Variants in RBM20 observed in about 807,000 individuals in gnomAD.
RBM20 encodes RNA-binding protein 20.
A neutral mutation model predicts 110.1 loss-of-function variants in RBM20; 51 were observed. That is an observed-to-expected ratio of 0.46 (90% confidence interval 0.37 to 0.59). RBM20 has a LOEUF of 0.59. Among genes scored for constraint, RBM20 ranks in the 20% least tolerant of loss-of-function variants. The pLI is 0.00. For synonymous variants in RBM20, 589 were observed against 618.2 expected, an observed-to-expected ratio of 0.95 and a Z score of 0.70; for missense variants, 1,512 against 1,574.9, an observed-to-expected ratio of 0.96 and a Z score of 0.68.
rs544269734 is a variant in RBM20, at chr10:110,780,593, G to C, written c.192-208G>C. Among the ~76,000 whole-genome samples the C allele has an allele frequency of 8.1e-5, 12 of 147,558 alleles. 1 individual carries two copies. The highest frequency in any genetic ancestry group is 2.5e-4 in the African/African-American group (10 of 39,994). ...TTTCTACTTACTAGTGAGATTGAAC[G>C]TTCTGTCATATAATTTTTCCATTGG... On this transcript the variant is annotated intron_variant, in intron 1 of 13. Transcript: ENST00000369519.
intron 1 of RBM20, among the ~76,000 whole-genome samples, chr10:110,752,258 GC>G (rs1257301433): frequency 5.3e-5 from 8 of 152,140 alleles, no homozygotes; most frequent in African/African-American, 1.9e-4. Flanking sequence ...CTATAGTTCT[GC>G]CTTTTCCAGA....
intron 1 of RBM20, among the ~76,000 whole-genome samples, chr10:110,680,294 G>A (rs576924088): frequency 6.6e-6 from 1 of 152,284 alleles, no homozygotes; most frequent in South Asian, 2.1e-4. Context: ...TTCAGAGTGG[G>A]GAGGGGTGGC....
chr10:110,723,359 C>T (rs1373039428), intron 1 of RBM20, among the ~76,000 whole-genome samples: 1 of 152,204 alleles, frequency 6.6e-6, no homozygotes, highest in Non-Finnish European at 1.5e-5. Context: ...TTTCCCCTTC[C>T]CTCATCCTCT....
intron 1 of RBM20, among the ~76,000 whole-genome samples, chr10:110,675,964 CTG>C (rs1862332485): frequency 6.6e-6 from 1 of 152,170 alleles, no homozygotes; most frequent in African/African-American, 2.4e-5. Flanking sequence ...AATGCAGTCT[CTG>C]AGAATGAGAA....
At position 110,821,676 on chromosome 10, in the gene RBM20, G is replaced by A. The variant is rs1844913148; in HGVS notation, c.3057G>A (p.Leu1019=). 4 of 1,551,768 alleles carry A rather than the reference G, an allele frequency of 2.6e-6. No individual in the cohort carries two copies. The highest frequency in any genetic ancestry group is 3.5e-6 in the Non-Finnish European group (4 of 1,147,002). Residue 1019 remains leucine, a synonymous_variant, in exon 11 of 14, where the codon CTG becomes CTA. Transcript: ENST00000369519. ...KPAESETGLS[L]EDSDCYEKEA... The stretch of plus-strand genomic sequence containing the variant: ...CTGAAAGTGAGACAGGCCTCTCCCT[G>A]GAGGATTCAGATTGCTACGAGAAGG...
intron 6 of RBM20, among the ~76,000 whole-genome samples, chr10:110,799,395 A>T (rs188459096): frequency 2.6e-5 from 4 of 152,280 alleles, no homozygotes; most frequent in Non-Finnish European, 4.4e-5. Context: ...TGATGTTTAT[A>T]AAAAGGTCTC....
In RBM20 at chr10:110,821,935, G is replaced by A; in HGVS notation, c.3316G>A (p.Glu1106Lys). The part of the protein sequence containing the change: ...NQACQEVLTP[E>K]NSRYVEMKSL... The stretch of plus-strand genomic sequence containing the variant: ...AGCTTGCCAAGAAGTGTTGACCCCG[G>A]GTAACTATCTCCCCTTTCCTCACGG... The change falls in exon 11 of 14, where the codon GAA becomes AAA. Residue 1106 changes from glutamate to lysine, a missense_variant and splice_region_variant. Glu to Lys is a moderately conservative substitution (Grantham distance 56, BLOSUM62 1). Transcript: ENST00000369519. 3 of 1,551,632 alleles carry A rather than the reference G, an allele frequency of 1.9e-6. No individual in the cohort carries two copies. The highest frequency in any genetic ancestry group is 1.7e-6 in the Non-Finnish European group (2 of 1,146,956).
At chr10:110,819,007 G>A (rs1020869857) in intron 9 of RBM20, among the ~76,000 whole-genome samples, 1 of 152,228 alleles carries the variant, frequency 6.6e-6, no homozygotes, top group African/African-American at 2.4e-5. Flanking sequence ...GGTGAAACCA[G>A]TCAGCCCTGA....
chr10:110,735,969 C>T (rs565920347), intron 1 of RBM20, among the ~76,000 whole-genome samples: 1 of 152,286 alleles, frequency 6.6e-6, no homozygotes, highest in South Asian at 2.1e-4. Flanking sequence ...ATCTCCCACC[C>T]ATCTCCCTCT....
intron 9 of RBM20, among the ~76,000 whole-genome samples, chr10:110,817,532 G>A (rs565898508): frequency 1.2e-4 from 18 of 152,284 alleles, no homozygotes; most frequent in South Asian, 4.1e-4. Context: ...TGGAGCACCC[G>A]GCATTGGGAC....
At chr10:110,740,310 T>C (rs1429370794) in intron 1 of RBM20, among the ~76,000 whole-genome samples, 1 of 152,154 alleles carries the variant, frequency 6.6e-6, no homozygotes, top group Non-Finnish European at 1.5e-5. Flanking sequence ...TCAAAAGGAC[T>C]GTGTCGGAGA....
chr10:110,787,227 A>G (rs1844429703), intron 5 of RBM20, among the ~76,000 whole-genome samples: 1 of 152,222 alleles, frequency 6.6e-6, no homozygotes, highest in Admixed American at 6.5e-5. Flanking sequence ...CTCGAATCTC[A>G]GAACATCCCA....
At chr10:110,758,632 C>G (rs916635692) in intron 1 of RBM20, among the ~76,000 whole-genome samples, 6 of 152,176 alleles carry the variant, frequency 3.9e-5, no homozygotes, top group African/African-American at 1.4e-4. Flanking sequence ...CAGCAGAACC[C>G]TCCACCTGCC....
Position 110,764,863 on chromosome 10 carries a change from C to G in RBM20, c.192-15938C>G, listed in dbSNP as rs142524173. Among the ~76,000 whole-genome samples the G allele has an allele frequency of 5.9e-4, 90 of 152,316 alleles. 1 individual carries two copies. The East Asian group carries it at 0.016, about 26-fold the overall frequency. On this transcript the variant is annotated intron_variant, in intron 1 of 13. Transcript: ENST00000369519. ...GACATCATCCTACCTTTCCCCAGCA[C>G]AAGGGAGAAATCGAGGTTTATTTGT...
At chr10:110,823,264 T>C (rs1765583599) in intron 11 of RBM20, among the ~76,000 whole-genome samples, 1 of 152,130 alleles carries the variant, frequency 6.6e-6, no homozygotes, top group Non-Finnish European at 1.5e-5. Context: ...CAAGTTTTAT[T>C]GTGTGTGGCA....
intron 1 of RBM20, among the ~76,000 whole-genome samples, chr10:110,648,241 G>A (rs555115900): frequency 7.2e-5 from 11 of 152,246 alleles, no homozygotes; most frequent in South Asian, 6.2e-4. Context: ...ATAGTCTTCC[G>A]TATAGCATTA....
intron 1 of RBM20, among the ~76,000 whole-genome samples, chr10:110,726,553 A>T (rs1435949896): frequency 1.3e-5 from 2 of 152,140 alleles, no homozygotes; most frequent in Non-Finnish European, 2.9e-5. Flanking sequence ...TGGCCCTCTA[A>T]GCTACTCAGT....
chr10:110,826,611 T>C (rs1188506931), intron 12 of RBM20, among the ~76,000 whole-genome samples: 1 of 151,940 alleles, frequency 6.6e-6, no homozygotes, highest in South Asian at 2.1e-4. Context: ...AGACAAAGTT[T>C]TTCTCTCGTT....
At chr10:110,790,704 C>T (rs1013697816) in intron 5 of RBM20, among the ~76,000 whole-genome samples, 3 of 152,092 alleles carry the variant, frequency 2.0e-5, no homozygotes, top group Non-Finnish European at 2.9e-5. Flanking sequence ...ATATTTAAAT[C>T]GATTTCTAGA....
Sources: allele counts gnomAD v4.1 joint callset (sites outside exome capture counted in the v4.1 genomes callset), GRCh38; gene constraint gnomAD v4.1.1; transcripts MANE v1.5; gene names NCBI Gene and HGNC (gene_info 2026-07-23, HGNC 2026-07-21).